The following ANKRD30B variants were observed in gnomAD, a reference collection of about 807,000 sequenced individuals.
ANKRD30B encodes ankyrin repeat domain-containing protein 30B.
Under a neutral mutation model 202.2 loss-of-function variants are expected in ANKRD30B, and 144 were observed. The ratio of observed to expected loss-of-function variants is 0.71; its 90% CI spans 0.62 to 0.82. The LOEUF is 0.82. Ranked by LOEUF, ANKRD30B falls within the 40% of genes least tolerant of loss-of-function variation. The pLI, the probability that ANKRD30B is intolerant of heterozygous loss-of-function variation, is 0.00. For synonymous variants in ANKRD30B, 508 were observed against 561.3 expected (o/e 0.91, Z 1.34); for missense variants, 1,487 against 1,669.1 (o/e 0.89, Z 1.90).
chr18:14,820,938 G>A (rs1216928188), intron 30 of ANKRD30B, among the ~76,000 whole-genome samples: 2 of 152,278 alleles, frequency 1.3e-5, no homozygotes, highest in East Asian at 1.9e-4. Context: ...AGAAGGAATG[G>A]TACCAGTTCC....
Position 14,831,322 on chromosome 18 carries a change from T to C in ANKRD30B, c.2775-61T>C, listed in dbSNP as rs1970928638. 7 of 1,175,928 alleles carry C rather than the reference T, an allele frequency of 6.0e-6. No individual in the cohort carries two copies. The South Asian group carries it at 9.9e-5, about 17-fold the overall frequency. 72.8% of individuals were successfully genotyped at this position (1,175,928 alleles called of 1,614,324 possible). On this transcript the variant is annotated intron_variant, in intron 33 of 43. Transcript: ENST00000690538. ...TTGGAGTGAGCACTAAGATATGAACTGGCAGGTTTTCTTTTTAAATATATG... is the reference window on the plus strand; with the variant it reads ...TTGGAGTGAGCACTAAGATATGAACCGGCAGGTTTTCTTTTTAAATATATG...
rs1386887851 is a variant in ANKRD30B at position 14,753,008 on chromosome 18, A to G, written c.506A>G (p.Asn169Ser). The G allele has an allele frequency of 6.3e-7, 1 of 1,586,140 alleles. No individual in the cohort carries two copies. The highest frequency in any genetic ancestry group is 8.6e-7 in the Non-Finnish European group (1 of 1,165,876). The change falls in exon 3 of 44, where the codon AAC becomes AGC. Residue 169 changes from asparagine (N) to serine (S), a missense_variant. Asn to Ser is a conservative substitution (Grantham distance 46). Around this residue, in one of 6 missense-constraint regions of ANKRD30B, gnomAD observed 889 missense variants for 841.4 expected, o/e 1.06. Coordinates refer to ENST00000690538, the MANE Select transcript of ANKRD30B (RefSeq NM_001367607.2). ...TATGGTGCAGTCATCGAGGTGCAAA[A>G]CAAGGTAGACATTAACCAATGTTAT... ...LSYGAVIEVQNKASLTPLLLA... is the reference protein window; with the variant it reads ...LSYGAVIEVQSKASLTPLLLA...
At chr18:14,936,349 C>T in the ANKRD30B span, among the ~76,000 whole-genome samples, 1 of 152,102 alleles carries the variant, frequency 6.6e-6, no homozygotes, top group African/African-American at 2.4e-5. Context: ...CAGCTTCTTC[C>T]ATCCTCCCTC....
At chr18:14,792,059 C>T (rs1421985219) in intron 16 of ANKRD30B, among the ~76,000 whole-genome samples, 1 of 152,148 alleles carries the variant, frequency 6.6e-6, no homozygotes, top group African/African-American at 2.4e-5. Flanking sequence ...AGCATATATG[C>T]ATGGCCACAC....
chr18:14,770,817 T>TAA (rs549612643), intron 8 of ANKRD30B, among the ~76,000 whole-genome samples: 4 of 139,772 alleles, frequency 2.9e-5, no homozygotes, highest in African/African-American at 7.7e-5. Context: ...TATTGAAAGA[T>TAA]AAAAAAAAAA....
intron 30 of ANKRD30B, chr18:14,816,714 A>G (rs1210577254): frequency 6.6e-6 from 1 of 152,132 alleles, no homozygotes; most frequent in Non-Finnish European, 1.5e-5. Context: ...AACCAAACCA[A>G]ATGTCCAACA....
At chr18:14,912,530 T>C in the ANKRD30B span, among the ~76,000 whole-genome samples, 1 of 152,232 alleles carries the variant, frequency 6.6e-6, no homozygotes, top group Non-Finnish European at 1.5e-5. Context: ...AGTGTTTTTG[T>C]TGAGCATGTT....
chr18:14,937,285 T>C, the ANKRD30B span, among the ~76,000 whole-genome samples: 56 of 152,314 alleles, frequency 3.7e-4, no homozygotes, highest in Non-Finnish European at 6.3e-4. Flanking sequence ...TTTTCCCAAA[T>C]AAACAACAGT....
At chr18:14,776,315 T>C (rs1204184455) in intron 9 of ANKRD30B, among the ~76,000 whole-genome samples, 1 of 152,202 alleles carries the variant, frequency 6.6e-6, no homozygotes, top group African/African-American at 2.4e-5. Flanking sequence ...AAAACACTTA[T>C]AAGCCACTAT....
chr18:14,873,849 G>A, the ANKRD30B span, among the ~76,000 whole-genome samples: 1 of 152,148 alleles, frequency 6.6e-6, no homozygotes, highest in African/African-American at 2.4e-5. Flanking sequence ...AGCCGAGCGA[G>A]GAATGGGTTC....
the ANKRD30B span, among the ~76,000 whole-genome samples, chr18:14,886,785 C>G: frequency 6.6e-6 from 1 of 152,046 alleles, no homozygotes; most frequent in Non-Finnish European, 1.5e-5. Flanking sequence ...CCCCCTCTGC[C>G]CTCAATATGC....
At chr18:14,764,402 G>T (rs375258819) in intron 7 of ANKRD30B, among the ~76,000 whole-genome samples, 2 of 151,558 alleles carry the variant, frequency 1.3e-5, no homozygotes, top group African/African-American at 4.8e-5. Context: ...TATTTATTTA[G>T]TTTTTGAGAT....
intron 34 of ANKRD30B, among the ~76,000 whole-genome samples, chr18:14,835,020 A>T (rs1971111093): frequency 6.6e-6 from 1 of 151,932 alleles, no homozygotes; most frequent in Admixed American, 6.5e-5. Flanking sequence ...TTCTTAGGTT[A>T]TTTAACTAAT....
At chr18:14,925,728 T>C in the ANKRD30B span, among the ~76,000 whole-genome samples, 1 of 152,024 alleles carries the variant, frequency 6.6e-6, no homozygotes, top group Non-Finnish European at 1.5e-5. Flanking sequence ...AGGCTGGGGC[T>C]CCCAGGTGTC....
intron 15 of ANKRD30B, among the ~76,000 whole-genome samples, chr18:14,787,606 A>C (rs2143898325): frequency 6.6e-6 from 1 of 152,314 alleles, no homozygotes; most frequent in South Asian, 2.1e-4. Flanking sequence ...GAGAAAGAAA[A>C]GCATGAGGAA....
At chr18:14,865,227 T>G in the ANKRD30B span, among the ~76,000 whole-genome samples, 1 of 151,874 alleles carries the variant, frequency 6.6e-6, no homozygotes, top group African/African-American at 2.4e-5. Context: ...CGCCACCCTC[T>G]TTATCCTTCT....
the ANKRD30B span, among the ~76,000 whole-genome samples, chr18:14,873,498 C>T: frequency 7.0e-6 from 1 of 143,708 alleles, no homozygotes; most frequent in Admixed American, 7.3e-5. Context: ...GCACTCCAGC[C>T]TGGGTGACAG....
At chr18:14,751,463 G>C (rs557094517) in intron 1 of ANKRD30B, among the ~76,000 whole-genome samples, 48 of 152,042 alleles carry the variant, frequency 3.2e-4, no homozygotes, top group Non-Finnish European at 5.4e-4. Context: ...TATTAGGACT[G>C]AATCTCAATT....
the ANKRD30B span, among the ~76,000 whole-genome samples, chr18:14,915,899 A>G: frequency 6.6e-6 from 1 of 152,250 alleles, no homozygotes; most frequent in Non-Finnish European, 1.5e-5. Context: ...AACATGGTAT[A>G]ACAACTATTT....
Sources: gnomAD v4.1 joint callset for allele counts (sites outside exome capture counted in the v4.1 genomes callset) on GRCh38, gnomAD v4.1.1 for gene constraint, gnomAD v4.1.1 regional missense constraint, MANE v1.5 for transcripts, NCBI Gene and HGNC (gene_info 2026-07-23, HGNC 2026-07-21) for gene names.